The following SLC41A3 variants were observed in gnomAD, a reference collection of about 807,000 sequenced individuals.
The protein encoded by SLC41A3 is solute carrier family 41 member 3.
Under a neutral mutation model 45.4 loss-of-function variants are expected in SLC41A3, and 44 were observed. That is an observed-to-expected ratio of 0.97 (90% confidence interval 0.76 to 1.25). The LOEUF (loss-of-function observed/expected upper bound fraction) is 1.25, where lower values mean the gene tolerates loss of function less well. SLC41A3 is among the 50% of genes most tolerant of loss of function. The pLI is 0.00. For missense variants in SLC41A3, 550 were observed against 600.6 expected (o/e 0.92, Z 0.88); for synonymous variants, 256 against 252.4 (o/e 1.01, Z -0.13).
chr3:126,081,054 C>G (rs899237815), intron 1 of SLC41A3, among the ~76,000 whole-genome samples: 23 of 152,308 alleles, frequency 1.5e-4, no homozygotes, highest in African/African-American at 5.3e-4. Context: ...GAAGAGATAT[C>G]TGTACCCCAT....
At chr3:126,068,774 G>A (rs1944476431) in intron 1 of SLC41A3, among the ~76,000 whole-genome samples, 1 of 152,164 alleles carries the variant, frequency 6.6e-6, no homozygotes, top group African/African-American at 2.4e-5. Flanking sequence ...GCAGCCTGAA[G>A]GGCATGACAA....
intron 1 of SLC41A3, among the ~76,000 whole-genome samples, chr3:126,098,925 C>CTT (rs57262035): frequency 0.052 from 5,694 of 109,324 alleles, 327 homozygotes; most frequent in African/African-American, 0.12. Context: ...CATGACCTGG[C>CTT]TTTTTTTTTT....
At position 126,006,642 on chromosome 3, in the gene SLC41A3, C is replaced by T; in HGVS notation, c.*374G>A. 6.6e-7 allele frequency: 1 copy of T among 1,525,838 alleles called. No individual in the cohort carries two copies. The highest frequency in any genetic ancestry group is 1.4e-5 in the African/African-American group (1 of 71,736). The allele number at this position is 1,525,838 out of a possible 1,614,324, so 94.5% of individuals were successfully genotyped here. A position where few individuals can be genotyped will look rare whatever the true frequency, so the allele number is the denominator to read the frequency against. ...AGAAAAGAGCTCCTTCCTGCTCCACCCCAATCTGGGTTGCATGGGCATGGA... is the reference window on the plus strand; with the variant it reads ...AGAAAAGAGCTCCTTCCTGCTCCACTCCAATCTGGGTTGCATGGGCATGGA... On this transcript the variant is annotated 3_prime_UTR_variant, in exon 11 of 11. Coordinates refer to ENST00000360370, the MANE Select transcript of SLC41A3 (RefSeq NM_017836.4).
At chr3:126,053,384 GA>G (rs1231275269) in intron 2 of SLC41A3, among the ~76,000 whole-genome samples, 1 of 152,124 alleles carries the variant, frequency 6.6e-6, no homozygotes, top group Non-Finnish European at 1.5e-5. Flanking sequence ...TGGAACTGCG[GA>G]AAAAAATCAG....
In SLC41A3 at chr3:126,006,807, G is replaced by A; in HGVS notation, c.*209C>T. On this transcript the variant is annotated 3_prime_UTR_variant, in exon 11 of 11. Transcript: ENST00000360370. ...GCACACATCATATTCACACACTCAA[G>A]CCATGCTCTTGATTTCAGGGCTCTA... The A allele has an allele frequency of 6.9e-7, 1 of 1,444,988 alleles. No individual in the cohort carries two copies. Among genetic ancestry groups the A allele is most frequent in the South Asian group, 1.5e-5 (1 of 67,406 alleles). 89.5% of individuals were successfully genotyped at this position (1,444,988 alleles called of 1,614,324 possible). A position where few individuals can be genotyped will look rare whatever the true frequency, so the allele number is the denominator to read the frequency against.
At chr3:126,098,482 C>T (rs922355087) in intron 1 of SLC41A3, among the ~76,000 whole-genome samples, 11 of 152,216 alleles carry the variant, frequency 7.2e-5, no homozygotes, top group Non-Finnish European at 1.2e-4. Context: ...AACAGTATGG[C>T]GCCTCACATG....
rs144704440 is a variant in SLC41A3, at chr3:126,037,398, T to C, written c.382-3720A>G. On this transcript the variant is annotated intron_variant, in intron 3 of 10. Coordinates refer to ENST00000360370, the MANE Select transcript of SLC41A3 (RefSeq NM_017836.4). Reference sequence around the variant, plus strand: ...TGTTAAATGGTTTTGGCCAAAATGCTGATAGAGATATGGACAGAGAAGGCC... The same window carrying C: ...TGTTAAATGGTTTTGGCCAAAATGCCGATAGAGATATGGACAGAGAAGGCC... Among the ~76,000 whole-genome samples, 9 of 152,266 alleles carry C rather than the reference T, an allele frequency of 5.9e-5. No individual in the cohort carries two copies. The East Asian group carries it at 1.4e-3, about 23-fold the overall frequency.
intron 3 of SLC41A3, among the ~76,000 whole-genome samples, chr3:126,044,625 G>A (rs921825746): frequency 6.6e-6 from 1 of 152,196 alleles, no homozygotes; most frequent in South Asian, 2.1e-4. Context: ...GCCGGGCGCA[G>A]TGGCTCACGC....
chr3:126,052,926 C>T (rs1305690784), intron 2 of SLC41A3, among the ~76,000 whole-genome samples: 1 of 152,178 alleles, frequency 6.6e-6, no homozygotes, highest in East Asian at 1.9e-4. Context: ...CTCCATGCTC[C>T]CGGGGCTTTC....
At chr3:126,083,434 A>T (rs1945265391) in intron 1 of SLC41A3, among the ~76,000 whole-genome samples, 1 of 152,246 alleles carries the variant, frequency 6.6e-6, no homozygotes, top group Non-Finnish European at 1.5e-5. Flanking sequence ...ACGGGATTTT[A>T]AAGAGACCTA....
At chr3:126,009,916 A>T (rs16837030) in intron 9 of SLC41A3, among the ~76,000 whole-genome samples, 2 of 152,316 alleles carry the variant, frequency 1.3e-5, no homozygotes, top group African/African-American at 4.8e-5. Flanking sequence ...GTTAGAAAAT[A>T]TAACACGGAG....
At position 126,016,966 on chromosome 3, in the gene SLC41A3, G is replaced by A. The variant is rs1423919352; in HGVS notation, c.746-91C>T. ...GGTTTCACAAATGAGAGGTGGGTGA[G>A]GACGCTCCTGTCCTCATCAGTTGAG... On this transcript the variant is annotated intron_variant, in intron 6 of 10. Transcript: ENST00000360370. The A allele has an allele frequency of 2.0e-6, 3 of 1,525,834 alleles. No homozygotes were observed. In the African/African-American group the frequency reaches 4.2e-5, roughly 21 times the overall value. The allele number at this position is 1,525,834 out of a possible 1,614,324, so 94.5% of individuals were successfully genotyped here.
chr3:126,052,157 T>C (rs1943375928), intron 2 of SLC41A3, among the ~76,000 whole-genome samples: 1 of 152,174 alleles, frequency 6.6e-6, no homozygotes, highest in South Asian at 2.1e-4. Flanking sequence ...GAGTTTGCCC[T>C]CTCTTAAAAC....
At chr3:126,050,104 G>C (rs1048637839) in intron 3 of SLC41A3, among the ~76,000 whole-genome samples, 2 of 152,132 alleles carry the variant, frequency 1.3e-5, no homozygotes, top group African/African-American at 4.8e-5. Context: ...CTCTGCAAGG[G>C]CCTCTTCCCT....
chr3:126,040,400 G>T (rs1408738866), intron 3 of SLC41A3, among the ~76,000 whole-genome samples: 4 of 152,180 alleles, frequency 2.6e-5, no homozygotes, highest in African/African-American at 9.7e-5. Flanking sequence ...AATGGAAAGT[G>T]ACAAATTGGG....
At chr3:126,086,408 GTTTTTTT>G (rs57316346), upstream of SLC41A3, among the ~76,000 whole-genome samples, 3 of 21,178 alleles carry the variant, frequency 1.4e-4, no homozygotes, top group Admixed American at 6.2e-4. Context: ...TTGTTTTCTT[GTTTTTTT>G]TTTTTTTTTT....
intron 1 of SLC41A3, among the ~76,000 whole-genome samples, chr3:126,092,875 CAGCTAA>C (rs1362602810): frequency 1.3e-5 from 2 of 152,180 alleles, no homozygotes; most frequent in Admixed American, 6.5e-5. Context: ...GTTTGTTTGC[CAGCTAA>C]AGCTAAAGCA....
chr3:126,075,898 G>A (rs1276279458), intron 1 of SLC41A3, among the ~76,000 whole-genome samples: 1 of 152,200 alleles, frequency 6.6e-6, no homozygotes, highest in African/African-American at 2.4e-5. Flanking sequence ...AAATACAGGT[G>A]TAAATCCCAG....
intron 9 of SLC41A3, among the ~76,000 whole-genome samples, chr3:126,011,561 A>G (rs1338196257): frequency 6.6e-6 from 1 of 152,236 alleles, no homozygotes; most frequent in Non-Finnish European, 1.5e-5. Flanking sequence ...TTGACAAAAG[A>G]TATAAATCCA....
Sources: allele counts gnomAD v4.1 joint callset (sites outside exome capture counted in the v4.1 genomes callset), GRCh38; gene constraint gnomAD v4.1.1; transcripts MANE v1.5; gene names NCBI Gene and HGNC (gene_info 2026-07-23, HGNC 2026-07-21).